Variants in DNAH8 observed in about 807,000 individuals in gnomAD.
DNAH8 encodes dynein axonemal heavy chain 8, also known as axonemal beta dynein heavy chain 8.
Under a neutral mutation model 562.1 loss-of-function variants are expected in DNAH8, and 382 were observed. The observed-to-expected ratio is 0.68, with a 90% CI of 0.63 to 0.74. The LOEUF (loss-of-function observed/expected upper bound fraction) is 0.74, where lower values mean the gene tolerates loss of function less well. Ranked by LOEUF, DNAH8 falls within the 30% of genes least tolerant of loss-of-function variation. The pLI, the probability that DNAH8 is intolerant of heterozygous loss-of-function variation, is 0.00. For missense variants in DNAH8, 5,203 were observed against 5,620.4 expected (o/e 0.93, Z 2.37); for synonymous variants, 1,881 against 1,919.4 (o/e 0.98, Z 0.52).
chr6:39,029,443 T>C (rs113060907), intron 92 of DNAH8, among the ~76,000 whole-genome samples: 1 of 152,330 alleles, frequency 6.6e-6, no homozygotes, highest in African/African-American at 2.4e-5. Flanking sequence ...AAGTGTGTGC[T>C]GCTATTCAAT....
intron 12 of DNAH8, among the ~76,000 whole-genome samples, chr6:38,773,915 G>A (rs1470414817): frequency 2.6e-5 from 4 of 152,166 alleles, no homozygotes; most frequent in Admixed American, 1.3e-4. Context: ...AAGTGGCAAA[G>A]TCGAAGGGCA....
At chr6:38,991,703 T>C (rs1764800668) in intron 88 of DNAH8, among the ~76,000 whole-genome samples, 1 of 152,114 alleles carries the variant, frequency 6.6e-6, no homozygotes, top group Non-Finnish European at 1.5e-5. Flanking sequence ...CTCCTGTTAC[T>C]CAGGCCAGAC....
chr6:38,753,519 C>T (rs76350020), intron 9 of DNAH8, among the ~76,000 whole-genome samples: 4,643 of 152,190 alleles, frequency 0.031, 228 homozygotes, highest in African/African-American at 0.1. Context: ...TATGGCACAA[C>T]GTTCACGTTT....
rs186208714 is a variant in DNAH8, at chr6:38,723,899, G to C, written c.525+428G>C. Among the ~76,000 whole-genome samples, 358 of 151,724 alleles carry C rather than the reference G, an allele frequency of 2.4e-3. 2 individuals are homozygous for C. Among genetic ancestry groups the C allele is most frequent in the Admixed American group, 7.4e-3 (112 of 15,200 alleles). ...AGAAAAAAGAAAAAGACAAAAGTTGGAATTTTACTGACTAGAGGAGAAGGT... is the reference window on the plus strand; with the variant it reads ...AGAAAAAAGAAAAAGACAAAAGTTGCAATTTTACTGACTAGAGGAGAAGGT... On this transcript the variant is annotated intron_variant, in intron 3 of 92. Coordinates refer to ENST00000327475, the MANE Select transcript of DNAH8 (RefSeq NM_001206927.2).
intron 8 of DNAH8, among the ~76,000 whole-genome samples, chr6:38,748,405 T>C (rs1028747585): frequency 6.6e-6 from 1 of 152,284 alleles, no homozygotes; most frequent in East Asian, 1.9e-4. Context: ...GGGGGTGCCA[T>C]ACTGATATCC....
intron 79 of DNAH8, among the ~76,000 whole-genome samples, chr6:38,940,991 G>A (rs1428843567): frequency 6.6e-6 from 1 of 151,926 alleles, no homozygotes; most frequent in African/African-American, 2.4e-5. Flanking sequence ...GTGGTGGCAC[G>A]TGTCTGTAGT....
intron 58 of DNAH8, among the ~76,000 whole-genome samples, chr6:38,893,068 C>T (rs1779444976): frequency 6.6e-6 from 1 of 152,158 alleles, no homozygotes; most frequent in Admixed American, 6.5e-5. Context: ...CATTCTCAGG[C>T]TCTCCCCACT....
chr6:38,729,504 A>G (rs1162456085), intron 3 of DNAH8, among the ~76,000 whole-genome samples: 1 of 152,248 alleles, frequency 6.6e-6, no homozygotes, highest in Non-Finnish European at 1.5e-5. Flanking sequence ...AGCTAAAAAC[A>G]TAATTGCTCA....
intron 60 of DNAH8, among the ~76,000 whole-genome samples, chr6:38,896,521 G>A (rs1209329665): frequency 2.0e-5 from 3 of 152,070 alleles, no homozygotes; most frequent in Non-Finnish European, 2.9e-5. Context: ...ACTGCAGTGA[G>A]CTGTGATTGT....
At chr6:38,960,152 T>C (rs1375167240) in intron 82 of DNAH8, among the ~76,000 whole-genome samples, 1 of 151,980 alleles carries the variant, frequency 6.6e-6, no homozygotes, top group Non-Finnish European at 1.5e-5. Flanking sequence ...GACCTGAAAT[T>C]GTGAAACTAC....
At position 38,868,215 on chromosome 6, in the gene DNAH8, C is replaced by A. The variant is rs780955407; in HGVS notation, c.6828+19C>A. 2.5e-6 allele frequency: 4 copies of A among 1,590,226 alleles called. No individual in the cohort carries two copies. The highest frequency in any genetic ancestry group is 3.4e-6 in the Non-Finnish European group (4 of 1,171,720). On this transcript the variant is annotated intron_variant, in intron 48 of 92. Coordinates refer to ENST00000327475, the MANE Select transcript of DNAH8 (RefSeq NM_001206927.2). ...CAAACTGGTATCTTCTCTGAATTCT[C>A]TTCTTTTCCACAATTTTAATATTGT... is the stretch of plus-strand genomic sequence containing the variant.
intron 85 of DNAH8, among the ~76,000 whole-genome samples, chr6:38,977,332 A>G (rs1018391359): frequency 2.0e-5 from 3 of 152,088 alleles, no homozygotes; most frequent in Non-Finnish European, 4.4e-5. Context: ...ATCCACACAG[A>G]GCAGTAGCAG....
At position 38,787,107 on chromosome 6, in the gene DNAH8, C is replaced by G. The variant is rs559500220; in HGVS notation, c.2583+155C>G. Reference sequence around the variant, plus strand: ...TTGATAGAATTAAAATACTGACTTGCAAACCAAAGAAAAGATTGGAAATGG... The same window carrying G: ...TTGATAGAATTAAAATACTGACTTGGAAACCAAAGAAAAGATTGGAAATGG... On this transcript the variant is annotated intron_variant, in intron 18 of 92. Transcript: ENST00000327475. 2.0e-5 allele frequency among the ~76,000 whole-genome samples: 3 copies of G among 151,866 alleles called. No homozygotes were observed. The East Asian group carries it at 5.8e-4, about 29-fold the overall frequency.
chr6:39,000,849 G>T (rs1270546703), intron 88 of DNAH8, among the ~76,000 whole-genome samples: 6 of 152,208 alleles, frequency 3.9e-5, no homozygotes, highest in African/African-American at 1.4e-4. Flanking sequence ...TGCCAAAAAG[G>T]TTGGGAACCG....
intron 10 of DNAH8, among the ~76,000 whole-genome samples, chr6:38,759,445 G>A (rs1394894565): frequency 6.6e-6 from 1 of 152,096 alleles, no homozygotes; most frequent in Non-Finnish European, 1.5e-5. Flanking sequence ...TTTTTAAAAA[G>A]CAAAGTATAG....
chr6:38,734,328 C>T (rs988226532), intron 4 of DNAH8, 146 bp from the exon 5 acceptor site: 4 of 597,470 alleles, frequency 6.7e-6, no homozygotes, highest in African/African-American at 6.8e-5. Flanking sequence ...TCTAGTAGAC[C>T]CCCCCCCAAA....
At chr6:38,926,322 A>G (rs1782119028) in intron 74 of DNAH8, 112 bp downstream of exon 74, 1 of 1,212,010 alleles carries the variant, frequency 8.3e-7, no homozygotes, top group Admixed American at 2.2e-5. Context: ...ATGTTTGCTA[A>G]TTCACACTCT....
At chr6:38,796,875 TGCG>T (rs768931827) in intron 21 of DNAH8, among the ~76,000 whole-genome samples, 19 of 152,204 alleles carry the variant, frequency 1.2e-4, no homozygotes, top group Non-Finnish European at 2.5e-4. Context: ...GGTTCTTGTC[TGCG>T]GCTTGTCCTG....
At chr6:38,821,325 A>G (rs1772816797) in intron 26 of DNAH8, among the ~76,000 whole-genome samples, 1 of 152,346 alleles carries the variant, frequency 6.6e-6, no homozygotes, top group African/African-American at 2.4e-5. Context: ...GCTGAAAGTT[A>G]TTCTATGAAG....
Sources: gnomAD v4.1 joint callset for allele counts (sites outside exome capture counted in the v4.1 genomes callset) on GRCh38, gnomAD v4.1.1 for gene constraint, MANE v1.5 for transcripts, NCBI Gene and HGNC (gene_info 2026-07-23, HGNC 2026-07-21) for gene names.